The following ASZ1 variants were observed in gnomAD, a reference collection of about 807,000 sequenced individuals.
The protein encoded by ASZ1 is ankyrin repeat, SAM and basic leucine zipper domain containing 1, also known as ankyrin repeat, SAM and basic leucine zipper domain-containing protein 1.
Under a neutral mutation model 61.8 loss-of-function variants are expected in ASZ1, and 67 were observed. The ratio of observed to expected loss-of-function variants is 1.08; its 90% CI spans 0.89 to 1.33. The LOEUF is 1.33. Among genes scored for constraint, ASZ1 ranks in the 40% most tolerant of loss-of-function variants. The pLI, the probability that ASZ1 is intolerant of heterozygous loss-of-function variation, is 0.00. For synonymous variants in ASZ1, 193 were observed against 192.7 expected (o/e 1.00, Z -0.01); for missense variants, 577 against 554.5 (o/e 1.04, Z -0.41).
intron 2 of ASZ1, 151 bp from the exon 3 acceptor site, chr7:117,422,510 A>G: frequency 3.5e-6 from 3 of 853,966 alleles, no homozygotes; most frequent in Non-Finnish European, 5.1e-6. Context: ...AAAATACAAA[A>G]TAGTTATATT....
At chr7:117,374,616 A>C (rs978345267) in intron 10 of ASZ1, among the ~76,000 whole-genome samples, 3 of 152,102 alleles carry the variant, frequency 2.0e-5, no homozygotes, top group Admixed American at 1.3e-4. Context: ...GTTGAAATAA[A>C]AAACAGTATT....
intron 11 of ASZ1, chr7:117,367,785 A>G: frequency 1.0e-6 from 1 of 974,340 alleles, no homozygotes; most frequent in Non-Finnish European, 1.2e-6. Context: ...TGTTATATAA[A>G]AATCACTGGA....
chr7:117,407,378 G>GCAAATCTCA (rs1705015878), intron 4 of ASZ1, among the ~76,000 whole-genome samples: 7 of 151,136 alleles, frequency 4.6e-5, no homozygotes, highest in Admixed American at 4.0e-4. Context: ...TGACCAAAAT[G>GCAAATCTCA]CAAATCTCAG....
At chr7:117,401,660 A>C (rs1304476225) in intron 4 of ASZ1, among the ~76,000 whole-genome samples, 1 of 152,210 alleles carries the variant, frequency 6.6e-6, no homozygotes, top group African/African-American at 2.4e-5. Flanking sequence ...TTTATGTTAC[A>C]TAGCATTTTT....
chr7:117,383,187 G>T, intron 6 of ASZ1, 77 bp from the exon 7 acceptor site: 4 of 1,341,188 alleles, frequency 3.0e-6, no homozygotes, highest in Non-Finnish European at 2.9e-6. Context: ...CTGAACATAC[G>T]ATTATCTCAT....
chr7:117,384,517 T>A (rs1421126166), intron 6 of ASZ1, among the ~76,000 whole-genome samples: 1 of 152,170 alleles, frequency 6.6e-6, no homozygotes, highest in Non-Finnish European at 1.5e-5. Flanking sequence ...TTTAAATTAC[T>A]ATAAGTGCTT....
intron 1 of ASZ1, among the ~76,000 whole-genome samples, 154 bp downstream of exon 1, chr7:117,427,202 G>A (rs1048392391): frequency 6.6e-6 from 1 of 152,170 alleles, no homozygotes; most frequent in African/African-American, 2.4e-5. Flanking sequence ...GAGGAAATTT[G>A]TGCGGGTTTG....
rs577236978 is a variant in ASZ1, at chr7:117,417,214, T to G, written c.440+2949A>C. On this transcript the variant is annotated intron_variant, in intron 4 of 12. Transcript: ENST00000284629. ...AAAAAAAAAAGTTAGAAGCCAACTT[T>G]CTTTGCATCTATCAAGTACGTGACC... Among the ~76,000 whole-genome samples the G allele has an allele frequency of 2.0e-5, 3 of 152,288 alleles. No individual in the cohort carries two copies. In the South Asian group the frequency reaches 6.2e-4, roughly 32 times the overall value.
At chr7:117,367,541 C>T (rs1795966630) in intron 11 of ASZ1, 76 bp from the exon 12 acceptor site, 2 of 1,260,982 alleles carry the variant, frequency 1.6e-6, no homozygotes, top group East Asian at 3.0e-5. Context: ...AAAGATTATA[C>T]AACATTCTTA....
intron 10 of ASZ1, among the ~76,000 whole-genome samples, chr7:117,377,453 A>G (rs552937504): frequency 2.6e-5 from 4 of 152,190 alleles, no homozygotes; most frequent in African/African-American, 9.6e-5. Context: ...ACCTGAGCCC[A>G]GGAATTCGAG....
chr7:117,385,009 T>G, intron 5 of ASZ1, 149 bp from the exon 6 acceptor site: 1 of 759,958 alleles, frequency 1.3e-6, no homozygotes, highest in Non-Finnish European at 1.9e-6. Context: ...TACAATATAA[T>G]GTAAACATAT....
At chr7:117,419,785 T>G (rs1797064896) in intron 4 of ASZ1, among the ~76,000 whole-genome samples, 1 of 152,202 alleles carries the variant, frequency 6.6e-6, no homozygotes, top group Non-Finnish European at 1.5e-5. Flanking sequence ...ATGGATATAT[T>G]TTCTTAGTAT....
chr7:117,421,276 G>A (rs1395196016), intron 3 of ASZ1, among the ~76,000 whole-genome samples: 2 of 152,140 alleles, frequency 1.3e-5, no homozygotes, highest in Non-Finnish European at 2.9e-5. Context: ...GCAGTAGCAT[G>A]ATCATAACTC....
chr7:117,371,186 A>C (rs558797725), intron 10 of ASZ1, among the ~76,000 whole-genome samples: 2 of 152,278 alleles, frequency 1.3e-5, no homozygotes, highest in East Asian at 3.9e-4. Context: ...ACTACATACT[A>C]TACAAAGTTT....
At chr7:117,396,506 A>T (rs1450166395) in intron 4 of ASZ1, among the ~76,000 whole-genome samples, 1 of 152,206 alleles carries the variant, frequency 6.6e-6, no homozygotes, top group Non-Finnish European at 1.5e-5. Context: ...ACTTTTATAA[A>T]ATATCTTTCT....
chr7:117,373,486 A>C (rs2116453887), intron 10 of ASZ1, among the ~76,000 whole-genome samples: 1 of 152,328 alleles, frequency 6.6e-6, no homozygotes, highest in Non-Finnish European at 1.5e-5. Context: ...ATAGAAGAAA[A>C]CTATCTTCAA....
intron 10 of ASZ1, among the ~76,000 whole-genome samples, chr7:117,377,732 A>G (rs187549481): frequency 3.3e-5 from 5 of 152,126 alleles, no homozygotes; most frequent in Admixed American, 3.3e-4. Context: ...AGGCTCTAGA[A>G]GAGCCAAGAT....
chr7:117,377,373 C>A (rs1429192728), intron 10 of ASZ1, among the ~76,000 whole-genome samples: 2 of 151,704 alleles, frequency 1.3e-5, no homozygotes, highest in Non-Finnish European at 2.9e-5. Context: ...CAAAAAAGTT[C>A]AAAAATTAGC....
chr7:117,369,629 A>G (rs1796011588), intron 10 of ASZ1, among the ~76,000 whole-genome samples: 1 of 152,198 alleles, frequency 6.6e-6, no homozygotes, highest in Non-Finnish European at 1.5e-5. Context: ...GAGGTAGAGC[A>G]ATGACTTGAG....
Sources: gnomAD v4.1 joint callset for allele counts (sites outside exome capture counted in the v4.1 genomes callset) on GRCh38, gnomAD v4.1.1 for gene constraint, MANE v1.5 for transcripts, NCBI Gene and HGNC (gene_info 2026-07-23, HGNC 2026-07-21) for gene names.